SUGCT: variants seen among roughly 807,000 people sequenced by gnomAD.
SUGCT encodes the protein succinyl-CoA:glutarate CoA-transferase.
A neutral mutation model predicts 55.0 loss-of-function variants in SUGCT; 41 were observed. The observed-to-expected ratio is 0.74, with a 90% CI of 0.58 to 0.97. The LOEUF (loss-of-function observed/expected upper bound fraction) is 0.97. SUGCT is among the 50% of genes least tolerant of loss of function. The pLI is 0.00. For missense variants in SUGCT, 568 were observed against 547.8 expected (o/e 1.04, Z -0.37); for synonymous variants, 187 against 200.4 (o/e 0.93, Z 0.56).
chr7:40,218,322 G>C (rs892282410), intron 6 of SUGCT, among the ~76,000 whole-genome samples: 1 of 152,178 alleles, frequency 6.6e-6, no homozygotes, highest in Non-Finnish European at 1.5e-5. Flanking sequence ...CTTTGTAGTA[G>C]TAACATTTTC....
At chr7:40,967,854 G>A in the SUGCT span, among the ~76,000 whole-genome samples, 1 of 152,050 alleles carries the variant, frequency 6.6e-6, no homozygotes, top group South Asian at 2.1e-4. Context: ...GATCTCCAAC[G>A]CAGTGAATTC....
chr7:40,314,169 A>T (rs1464885866), intron 8 of SUGCT, among the ~76,000 whole-genome samples: 2 of 152,214 alleles, frequency 1.3e-5, no homozygotes, highest in African/African-American at 4.8e-5. Flanking sequence ...GCTGATATCC[A>T]GCCAGGAATC....
chr7:40,692,436 A>G (rs538521249), intron 12 of SUGCT, among the ~76,000 whole-genome samples: 8 of 152,212 alleles, frequency 5.3e-5, no homozygotes, highest in Admixed American at 2.0e-4. Context: ...AACAGAAGCA[A>G]AATTTGAAAG....
chr7:40,614,917 A>C (rs533641311), intron 12 of SUGCT, among the ~76,000 whole-genome samples: 2 of 152,202 alleles, frequency 1.3e-5, no homozygotes, highest in Non-Finnish European at 2.9e-5. Flanking sequence ...ATAGCCGGGC[A>C]TGGTAGCAGG....
At chr7:40,389,338 G>A (rs1785286614) in intron 9 of SUGCT, among the ~76,000 whole-genome samples, 1 of 152,194 alleles carries the variant, frequency 6.6e-6, no homozygotes, top group East Asian at 1.9e-4. Flanking sequence ...TGTAGTCCCA[G>A]CTACTTGGGA....
chr7:40,156,386 C>A (rs1466527087), intron 1 of SUGCT, among the ~76,000 whole-genome samples: 1 of 152,062 alleles, frequency 6.6e-6, no homozygotes, highest in Admixed American at 6.5e-5. Flanking sequence ...TGGCGTGAAC[C>A]CGGGAGGTGG....
chr7:40,681,924 T>G (rs1365637665), intron 12 of SUGCT, among the ~76,000 whole-genome samples: 1 of 152,078 alleles, frequency 6.6e-6, no homozygotes, highest in East Asian at 1.9e-4. Flanking sequence ...GTTTTTCGAG[T>G]AGGCAGATCT....
intron 4 of SUGCT, among the ~76,000 whole-genome samples, chr7:40,188,844 T>C (rs958089982): frequency 6.6e-6 from 1 of 152,214 alleles, no homozygotes; most frequent in East Asian, 1.9e-4. Flanking sequence ...AAAAATTATT[T>C]GATTCCTTAC....
chr7:40,445,540 G>A lies in SUGCT; in HGVS notation c.817-3747G>A, dbSNP rs190063071. Among the ~76,000 whole-genome samples, 310 of 152,142 alleles carry A rather than the reference G, an allele frequency of 2.0e-3. 11 individuals carry two copies. In the South Asian group the frequency reaches 0.059, roughly 29 times the overall value. ...CAACCAAAAAAGTCTAGGATCAGGC[G>A]GATTCACAGCCAAATTCTACCACAG... is the stretch of plus-strand genomic sequence containing the variant. On this transcript the variant is annotated intron_variant, in intron 9 of 13. Transcript: ENST00000335693.
At chr7:40,339,744 C>T (rs992711688) in intron 9 of SUGCT, among the ~76,000 whole-genome samples, 2 of 152,186 alleles carry the variant, frequency 1.3e-5, no homozygotes, top group African/African-American at 4.8e-5. Flanking sequence ...GTGGGCTGCA[C>T]CCACTGTCCT....
chr7:40,831,025 A>C (rs1213633548), intron 13 of SUGCT, among the ~76,000 whole-genome samples: 1 of 152,156 alleles, frequency 6.6e-6, no homozygotes, highest in Non-Finnish European at 1.5e-5. Flanking sequence ...TGTCGTCTCA[A>C]TTTTGGAGAT....
At chr7:40,508,489 T>A (rs1012587646) in intron 12 of SUGCT, among the ~76,000 whole-genome samples, 4 of 152,266 alleles carry the variant, frequency 2.6e-5, no homozygotes, top group Admixed American at 6.5e-5. Flanking sequence ...GAGGAAGCCC[T>A]CCTTATCTTG....
chr7:40,344,893 A>C (rs1219987006), intron 9 of SUGCT, among the ~76,000 whole-genome samples: 1 of 152,174 alleles, frequency 6.6e-6, no homozygotes, highest in Non-Finnish European at 1.5e-5. Flanking sequence ...AAAAAATGTA[A>C]CGTTTTTGAA....
the SUGCT span, among the ~76,000 whole-genome samples, chr7:41,017,493 G>A: frequency 6.6e-6 from 1 of 152,092 alleles, no homozygotes; most frequent in Admixed American, 6.5e-5. Context: ...ACTGGAGGCC[G>A]GGTGCGGTGG....
At chr7:40,908,605 G>C in the SUGCT span, among the ~76,000 whole-genome samples, 2 of 152,196 alleles carry the variant, frequency 1.3e-5, no homozygotes, top group African/African-American at 4.8e-5. Context: ...ATTTGCATAG[G>C]CTTTGATACA....
chr7:40,254,396 T>G (rs901508853), intron 7 of SUGCT, among the ~76,000 whole-genome samples: 1 of 151,954 alleles, frequency 6.6e-6, no homozygotes, highest in East Asian at 1.9e-4. Flanking sequence ...ATTTACTTAT[T>G]TATTTACTTA....
At chr7:40,444,266 A>G (rs1224008071) in intron 9 of SUGCT, among the ~76,000 whole-genome samples, 2 of 152,168 alleles carry the variant, frequency 1.3e-5, no homozygotes, top group Non-Finnish European at 2.9e-5. Flanking sequence ...GAAGAAAGTC[A>G]TTGGTAGCTT....
At chr7:40,401,810 G>T (rs142817893) in intron 9 of SUGCT, among the ~76,000 whole-genome samples, 1 of 152,162 alleles carries the variant, frequency 6.6e-6, no homozygotes, top group African/African-American at 2.4e-5. Context: ...TGAATATTTA[G>T]TATTTGAACA....
chr7:40,365,293 C>G (rs1783880644), intron 9 of SUGCT, among the ~76,000 whole-genome samples: 1 of 151,996 alleles, frequency 6.6e-6, no homozygotes, highest in Non-Finnish European at 1.5e-5. Flanking sequence ...ATGACAAACC[C>G]ACAGCCAATA....
Sources: allele counts gnomAD v4.1 joint callset (sites outside exome capture counted in the v4.1 genomes callset), GRCh38; gene constraint gnomAD v4.1.1; transcripts MANE v1.5; gene names NCBI Gene and HGNC (gene_info 2026-07-23, HGNC 2026-07-21).